Variants in KIAA1328 observed in about 807,000 individuals in gnomAD.
The protein encoded by KIAA1328 is protein hinderin.
A neutral mutation model predicts 68.1 loss-of-function variants in KIAA1328; 52 were observed. That is an observed-to-expected ratio of 0.76 (90% CI 0.61 to 0.96). The LOEUF is 0.96. Ranked by LOEUF, KIAA1328 falls within the 40% of genes least tolerant of loss-of-function variation. The pLI is 0.00. For synonymous variants in KIAA1328, 232 were observed against 239.4 expected (o/e 0.97, Z 0.28); for missense variants, 641 against 677.6 (o/e 0.95, Z 0.60).
chr18:36,884,272 G>A, intron 4 of KIAA1328, among the ~76,000 whole-genome samples: 1 of 152,108 alleles, frequency 6.6e-6, no homozygotes, highest in Admixed American at 6.5e-5. Context: ...TGAATTCTCT[G>A]TAAATATATC....
intron 6 of KIAA1328, among the ~76,000 whole-genome samples, chr18:37,057,289 C>G (rs1477539983): frequency 6.6e-6 from 1 of 151,998 alleles, no homozygotes; most frequent in African/African-American, 2.4e-5. Context: ...TCATATATAG[C>G]CCACTGCATG....
At chr18:37,112,691 C>G (rs148586506) in intron 7 of KIAA1328, among the ~76,000 whole-genome samples, 65 of 152,238 alleles carry the variant, frequency 4.3e-4, no homozygotes, top group East Asian at 1.4e-3. Flanking sequence ...TTCAGAAGAT[C>G]GGTAATAACA....
chr18:37,092,233 A>G (rs975019055), intron 7 of KIAA1328, among the ~76,000 whole-genome samples: 1 of 152,074 alleles, frequency 6.6e-6, no homozygotes, highest in Non-Finnish European at 1.5e-5. Flanking sequence ...CAAGTGCACC[A>G]TAGGAAGGCC....
At chr18:36,883,693 G>T (rs1350017737) in intron 4 of KIAA1328, among the ~76,000 whole-genome samples, 1 of 151,908 alleles carries the variant, frequency 6.6e-6, no homozygotes, top group East Asian at 1.9e-4. Flanking sequence ...TTTAGATAAG[G>T]GCTACTCAAC....
At chr18:37,145,551 T>A (rs1467253736) in intron 7 of KIAA1328, among the ~76,000 whole-genome samples, 1 of 152,186 alleles carries the variant, frequency 6.6e-6, no homozygotes, top group East Asian at 1.9e-4. Context: ...AAAAAAGAAA[T>A]GTTAAAATAT....
chr18:36,854,454 C>T (rs769581601), intron 4 of KIAA1328, among the ~76,000 whole-genome samples: 2 of 152,186 alleles, frequency 1.3e-5, no homozygotes, highest in Non-Finnish European at 1.5e-5. Flanking sequence ...ACTACTGACT[C>T]TTGTATTTAC....
chr18:36,971,459 G>T (rs1159191292), intron 6 of KIAA1328, among the ~76,000 whole-genome samples: 3 of 152,022 alleles, frequency 2.0e-5, no homozygotes, highest in Non-Finnish European at 4.4e-5. Flanking sequence ...GTGAAACCCT[G>T]TCTCTACTAA....
At chr18:37,080,721 A>G (rs1039776327) in intron 7 of KIAA1328, among the ~76,000 whole-genome samples, 1 of 150,822 alleles carries the variant, frequency 6.6e-6, no homozygotes, top group South Asian at 2.1e-4. Context: ...GTTGCAGTGC[A>G]GTGAGCCGAG....
intron 7 of KIAA1328, among the ~76,000 whole-genome samples, chr18:37,098,738 G>T (rs894618273): frequency 2.0e-5 from 3 of 152,120 alleles, no homozygotes; most frequent in African/African-American, 7.2e-5. Context: ...ATTAATTATT[G>T]CCTTAATTTC....
In KIAA1328 at chr18:36,835,745, C is replaced by T. The variant is rs912966065; in HGVS notation, c.237+369C>T. On this transcript the variant is annotated intron_variant, in intron 3 of 9. Coordinates refer to ENST00000280020, the MANE Select transcript of KIAA1328 (RefSeq NM_020776.3). ...TGAATTTATTTGATAGATGAACCCT[C>T]GTAAAGATGAGGGACAAATCAATGA... Among the ~76,000 whole-genome samples the T allele has an allele frequency of 2.5e-4, 38 of 152,120 alleles. 1 individual carries two copies. Among genetic ancestry groups the T allele is most frequent in the Admixed American group, 2.4e-3 (37 of 15,266 alleles).
chr18:36,929,248 T>C (rs1022041805), intron 5 of KIAA1328, among the ~76,000 whole-genome samples: 1 of 152,152 alleles, frequency 6.6e-6, no homozygotes, highest in African/African-American at 2.4e-5. Context: ...CCGGCTTTTG[T>C]TTCTTTTCTT....
intron 6 of KIAA1328, among the ~76,000 whole-genome samples, chr18:37,021,728 T>A (rs1405447505): frequency 6.6e-6 from 1 of 152,040 alleles, no homozygotes; most frequent in Non-Finnish European, 1.5e-5. Flanking sequence ...AGCTTCTTCT[T>A]TTTTCTCTTT....
At chr18:37,023,704 T>C (rs1238860887) in intron 6 of KIAA1328, among the ~76,000 whole-genome samples, 1 of 152,228 alleles carries the variant, frequency 6.6e-6, no homozygotes, top group African/African-American at 2.4e-5. Flanking sequence ...GTGGACACTT[T>C]GGCAGCAGAG....
chr18:37,212,601 C>CA (rs1178941605), intron 9 of KIAA1328, among the ~76,000 whole-genome samples: 2 of 152,072 alleles, frequency 1.3e-5, no homozygotes, highest in South Asian at 4.2e-4. Flanking sequence ...CTACAGATAG[C>CA]AAAAAATTGT....
chr18:37,229,525 G>T, downstream of KIAA1328: 1 of 1,263,048 alleles, frequency 7.9e-7, no homozygotes, highest in Non-Finnish European at 1.0e-6. Flanking sequence ...AACTGGGGTG[G>T]GAGGGTCATT....
chr18:37,092,797 C>T (rs2057302464), intron 7 of KIAA1328, among the ~76,000 whole-genome samples: 1 of 152,196 alleles, frequency 6.6e-6, no homozygotes, highest in Admixed American at 6.5e-5. Flanking sequence ...CAGTGCCAGA[C>T]ATGCTTCTTA....
At chr18:36,873,630 C>T (rs542396936) in intron 4 of KIAA1328, among the ~76,000 whole-genome samples, 2 of 152,180 alleles carry the variant, frequency 1.3e-5, no homozygotes, top group East Asian at 3.9e-4. Flanking sequence ...ACTGATTTTC[C>T]TTAATTTGCT....
chr18:36,989,255 A>G (rs1236331480), intron 6 of KIAA1328, among the ~76,000 whole-genome samples: 1 of 152,212 alleles, frequency 6.6e-6, no homozygotes, highest in Non-Finnish European at 1.5e-5. Flanking sequence ...TGGTGAAAAA[A>G]AGATTTTTAA....
chr18:37,226,136 G>T (rs2060635400), downstream of KIAA1328, among the ~76,000 whole-genome samples: 1 of 152,062 alleles, frequency 6.6e-6, no homozygotes. Context: ...CTTCTAAAGG[G>T]AGCAGTCTTG....
Sources: gnomAD v4.1 joint callset for allele counts (sites outside exome capture counted in the v4.1 genomes callset) on GRCh38, gnomAD v4.1.1 for gene constraint, MANE v1.5 for transcripts, NCBI Gene and HGNC (gene_info 2026-07-23, HGNC 2026-07-21) for gene names.